Variants in ASB17 observed in about 807,000 individuals in gnomAD.
ASB17 encodes the protein ankyrin repeat and SOCS box containing 17, also known as ankyrin repeat and SOCS box protein 17.
In ASB17, 26 loss-of-function variants were observed where a neutral mutation model predicts 25.7. The ratio of observed to expected loss-of-function variants is 1.01; its 90% CI spans 0.74 to 1.40. The LOEUF (loss-of-function observed/expected upper bound fraction) is 1.40. Among genes scored for constraint, ASB17 ranks in the 40% most tolerant of loss-of-function variants. The pLI is 0.00. For missense variants in ASB17, 326 were observed against 338.5 expected (o/e 0.96, Z 0.29); for synonymous variants, 128 against 121.4 (o/e 1.05, Z -0.36).
intron 2 of ASB17, among the ~76,000 whole-genome samples, chr1:75,920,117 A>ACAAC (rs1652987446): frequency 6.6e-6 from 1 of 152,242 alleles, no homozygotes; most frequent in East Asian, 1.9e-4. Context: ...TTGGACACAG[A>ACAAC]CAACCTAAGT....
At chr1:75,920,999 C>T (rs905577115) in intron 2 of ASB17, among the ~76,000 whole-genome samples, 5 of 152,096 alleles carry the variant, frequency 3.3e-5, no homozygotes, top group South Asian at 2.1e-4. Context: ...TGGTCTCGAT[C>T]TCCTGACCTC....
chr1:75,921,863 T>A (rs1277296212), intron 2 of ASB17, among the ~76,000 whole-genome samples: 2 of 152,082 alleles, frequency 1.3e-5, no homozygotes, highest in South Asian at 4.1e-4. Context: ...TAAAATGAAC[T>A]ATACATATAA....
At chr1:75,920,905 G>A (rs1216581991) in intron 2 of ASB17, among the ~76,000 whole-genome samples, 2 of 152,148 alleles carry the variant, frequency 1.3e-5, no homozygotes, top group Non-Finnish European at 2.9e-5. Flanking sequence ...CTCCCGAGTA[G>A]CTGGGACTAC....
rs375084728 is a variant in ASB17 at position 75,929,256 on chromosome 1, G to T, written c.401+2635C>A. 2.1e-3 allele frequency among the ~76,000 whole-genome samples: 319 copies of T among 150,984 alleles called. 1 individual carries two copies. The highest frequency in any genetic ancestry group is 0.015 in the South Asian group (69 of 4,748). Reference sequence around the variant, plus strand: ...TTTTATTTTTTTGAGACGGATTCTCGCTCTGTCGCCCAGGTTGGAGTGCAG... The same window carrying T: ...TTTTATTTTTTTGAGACGGATTCTCTCTCTGTCGCCCAGGTTGGAGTGCAG... On this transcript the variant is annotated intron_variant, in intron 1 of 2. Transcript: ENST00000284142.
chr1:75,920,077 T>C (rs1459368525), intron 2 of ASB17, among the ~76,000 whole-genome samples: 6 of 152,198 alleles, frequency 3.9e-5, no homozygotes, highest in Non-Finnish European at 5.9e-5. Flanking sequence ...CAGGCCCTAC[T>C]CCACAAATTC....
intron 2 of ASB17, among the ~76,000 whole-genome samples, chr1:75,919,809 C>A (rs1472050387): frequency 6.6e-6 from 1 of 152,022 alleles, no homozygotes; most frequent in African/African-American, 2.4e-5. Flanking sequence ...GGGTTGGTTC[C>A]AAGTCTTTGC....
Position 75,918,941 on chromosome 1 carries a change from AC to A in ASB17, c.*10del. 2 of 1,596,314 alleles carry A rather than the reference AC, an allele frequency of 1.3e-6. No homozygotes were observed. The highest frequency in any genetic ancestry group is 1.7e-6 in the Non-Finnish European group (2 of 1,164,082). On this transcript the variant is annotated 3_prime_UTR_variant, in exon 3 of 3. Transcript: ENST00000284142. The stretch of plus-strand genomic sequence containing the variant: ...TAAGCATTGTTAAGGAACTTAGGAC[AC>A]TGACGTATGTTAGATTTCTAAATTC...
chr1:75,921,070 G>A (rs939292703), intron 2 of ASB17, among the ~76,000 whole-genome samples: 7 of 151,992 alleles, frequency 4.6e-5, no homozygotes, highest in Non-Finnish European at 8.8e-5. Context: ...CACTGCGCCC[G>A]GCCTGTCCTA....
At chr1:75,929,300 T>C (rs1243401618) in intron 1 of ASB17, among the ~76,000 whole-genome samples, 1 of 151,940 alleles carries the variant, frequency 6.6e-6, no homozygotes, top group African/African-American at 2.4e-5. Context: ...CCTCAGCTCA[T>C]TGCAAGCTCT....
chr1:75,929,555 T>C (rs539730079), intron 1 of ASB17, among the ~76,000 whole-genome samples: 1 of 152,326 alleles, frequency 6.6e-6, no homozygotes, highest in Non-Finnish European at 1.5e-5. Flanking sequence ...ATTGTTTGAA[T>C]GTTATACCCC....
chr1:75,926,849 G>T (rs1022866824), intron 1 of ASB17, among the ~76,000 whole-genome samples: 2 of 152,006 alleles, frequency 1.3e-5, no homozygotes, highest in Non-Finnish European at 2.9e-5. Flanking sequence ...AAACTCATAT[G>T]TCTAAAACTG....
intron 1 of ASB17, among the ~76,000 whole-genome samples, chr1:75,927,752 G>C (rs1317659592): frequency 6.6e-6 from 1 of 152,002 alleles, no homozygotes; most frequent in Admixed American, 6.6e-5. Flanking sequence ...CCCTGCCCTA[G>C]CTGCAGCCTG....
At chr1:75,930,817 G>C (rs557327707) in intron 1 of ASB17, among the ~76,000 whole-genome samples, 1 of 152,188 alleles carries the variant, frequency 6.6e-6, no homozygotes, top group South Asian at 2.1e-4. Context: ...TTCCAGGGCT[G>C]TAGACAGGCA....
chr1:75,926,900 G>A (rs1223120525), intron 1 of ASB17, among the ~76,000 whole-genome samples: 2 of 11,826 alleles, frequency 1.7e-4, no homozygotes, highest in African/African-American at 3.5e-4. Flanking sequence ...CGATAAGCTT[G>A]TATGACCATT....
Position 75,922,302 on chromosome 1 carries a change from A to T in ASB17, c.459T>A (p.Tyr153Ter), listed in dbSNP as rs1419811066. The change falls in exon 2 of 3, where the codon TAT (tyrosine) becomes TAA (stop). Residue 153 changes from tyrosine to a stop codon, truncating the protein, a stop_gained. Transcript: ENST00000284142. LOFTEE classifies it high-confidence loss of function. ...TATTAGACTGTCTTGTCTGAGCTACATAAAAGAGAGGTGTGATGCCACTTA... is the reference window on the plus strand; with the variant it reads ...TATTAGACTGTCTTGTCTGAGCTACTTAAAAGAGAGGTGTGATGCCACTTA... ...SPLSGITPLFYVAQTRQSNIF... is the reference protein window; with the variant it reads ...SPLSGITPLF 6.2e-7 allele frequency: 1 copy of T among 1,613,504 alleles called. No individual in the cohort carries two copies. Among genetic ancestry groups the T allele is most frequent in the Non-Finnish European group, 8.5e-7 (1 of 1,179,832 alleles).
At chr1:75,921,569 A>C (rs1255082242) in intron 2 of ASB17, among the ~76,000 whole-genome samples, 1 of 151,864 alleles carries the variant, frequency 6.6e-6, no homozygotes, top group Non-Finnish European at 1.5e-5. Flanking sequence ...AAACTTTGTA[A>C]AGAAGGTCTC....
Position 75,932,102 on chromosome 1 carries a change from C to A in ASB17, c.190G>T (p.Asp64Tyr). Residue 64 changes from aspartate to tyrosine, a missense_variant, in exon 1 of 3, where the codon GAC (aspartate) becomes TAC (tyrosine). Coordinates refer to ENST00000284142, the MANE Select transcript of ASB17 (RefSeq NM_080868.3). ...ILRYVDLDGFDALLTDYIAFV... is the reference protein window; with the variant it reads ...ILRYVDLDGFYALLTDYIAFV... The stretch of plus-strand genomic sequence containing the variant: ...GCAATGTAATCTGTGAGTAGTGCGT[C>A]AAAACCATCCAAGTCCACATACCTC... 6.2e-7 allele frequency: 1 copy of A among 1,614,100 alleles called. No homozygotes were observed. Among genetic ancestry groups the A allele is most frequent in the Non-Finnish European group, 8.5e-7 (1 of 1,180,010 alleles).
intron 2 of ASB17, 111 bp downstream of exon 2, chr1:75,921,969 T>G: frequency 1.1e-6 from 1 of 917,532 alleles, no homozygotes; most frequent in East Asian, 2.7e-5. Flanking sequence ...CTCAATGATC[T>G]GTCACTGGAC....
chr1:75,920,739 T>C (rs1035614628), intron 2 of ASB17, among the ~76,000 whole-genome samples: 8 of 152,160 alleles, frequency 5.3e-5, no homozygotes, highest in African/African-American at 1.7e-4. Context: ...TTTGGTCAAC[T>C]AACTCACTCT....
Sources: gnomAD v4.1 joint callset for allele counts (sites outside exome capture counted in the v4.1 genomes callset) on GRCh38, gnomAD v4.1.1 for gene constraint, MANE v1.5 for transcripts, NCBI Gene and HGNC (gene_info 2026-07-23, HGNC 2026-07-21) for gene names.